ZNF808: variants seen among roughly 807,000 people sequenced by gnomAD.
ZNF808 encodes the protein zinc finger protein 808.
Under a neutral mutation model 8.7 loss-of-function variants are expected in ZNF808, and 5 were observed. That is an observed-to-expected ratio of 0.58 (90% confidence interval 0.30 to 1.21). ZNF808 has a LOEUF of 1.21. ZNF808 is among the 50% of genes most tolerant of loss of function. The pLI, the probability that ZNF808 is intolerant of heterozygous loss-of-function variation, is 0.07. For missense variants in ZNF808, 1,103 were observed against 1,098.4 expected (o/e 1.00, Z -0.06); for synonymous variants, 380 against 366.0 (o/e 1.04, Z -0.44).
chr19:52,559,445 C>T (rs1432316565), downstream of ZNF808, among the ~76,000 whole-genome samples: 1 of 152,164 alleles, frequency 6.6e-6, no homozygotes, highest in Non-Finnish European at 1.5e-5. Flanking sequence ...TGTCCTGCCA[C>T]ATCCCCCTCT....
intron 4 of ZNF808, among the ~76,000 whole-genome samples, chr19:52,551,356 C>CAA (rs58565837): frequency 9.6e-5 from 12 of 125,254 alleles, no homozygotes; most frequent in East Asian, 2.3e-4. Flanking sequence ...CATTTGCCAC[C>CAA]AAAAAAAAAA....
At chr19:52,564,308 C>A in exon 4 of ZNF808, 1 of 643,526 alleles carries the variant, frequency 1.6e-6, no homozygotes, top group East Asian at 2.8e-5. Flanking sequence ...GAAAATGTCA[C>A]TACCATCTGG....
At position 52,546,312 on chromosome 19, in the gene ZNF808, C is replaced by T. The variant is rs2059719747; in HGVS notation, c.64-1200C>T. On this transcript the variant is annotated intron_variant, in intron 3 of 4. Coordinates refer to ENST00000359798, the MANE Select transcript of ZNF808 (RefSeq NM_001039886.4). ...AAGCAATTCTCCAGCCTCAGCCTCC[C>T]AAGTATCAGGGATTACAGGCACCCA... 3.3e-5 allele frequency among the ~76,000 whole-genome samples: 5 copies of T among 151,440 alleles called. No homozygotes were observed. The South Asian group carries it at 1.0e-3, about 32-fold the overall frequency.
intron 2 of ZNF808, among the ~76,000 whole-genome samples, chr19:52,535,573 G>A (rs377531138): frequency 2.0e-5 from 3 of 152,092 alleles, no homozygotes; most frequent in Non-Finnish European, 4.4e-5. Flanking sequence ...TGAGCACTCC[G>A]TCCCGCATCC....
rs1354045354 is a variant in ZNF808, at chr19:52,553,534, T to C, written c.618T>C (p.Asn206=). The change falls in exon 5 of 5, where the codon AAT becomes AAC. Residue 206 remains asparagine, a synonymous_variant. Transcript: ENST00000359798. ...ISCRPQIHIS[N]NYGNNPLNSS... ...GTAGGCCCCAAATCCATATTTCTAATAACTATGGGAATAATCCCCTGAATT... is the reference window on the plus strand; with the variant it reads ...GTAGGCCCCAAATCCATATTTCTAACAACTATGGGAATAATCCCCTGAATT... The C allele has an allele frequency of 3.7e-6, 6 of 1,614,058 alleles. No individual in the cohort carries two copies. The highest frequency in any genetic ancestry group is 4.2e-6 in the Non-Finnish European group (5 of 1,180,036).
rs2059637791 is a variant in ZNF808 at position 52,538,637 on chromosome 19, C to CAAAATAAA, written c.-19-4625_-19-4624insTAAAAAAA. 3.9e-5 allele frequency among the ~76,000 whole-genome samples: 5 copies of CAAAATAAA among 128,362 alleles called. No individual in the cohort carries two copies. In the East Asian group the frequency reaches 1.4e-3, roughly 35 times the overall value. The allele number at this position is 128,362 out of a possible 152,430, so 84.2% of individuals were successfully genotyped here. A position where few individuals can be genotyped will look rare whatever the true frequency, so the allele number is the denominator to read the frequency against. On this transcript the variant is annotated intron_variant, in intron 2 of 4. Transcript: ENST00000359798. ...GAGCGAAACTCTGTCTCAAAAAAAC[C>CAAAATAAA]AAAAAAGAATGGAGCAAAACAGGAG...
At chr19:52,549,803 T>C (rs2059758172) in intron 4 of ZNF808, among the ~76,000 whole-genome samples, 1 of 152,148 alleles carries the variant, frequency 6.6e-6, no homozygotes, top group African/African-American at 2.4e-5. Flanking sequence ...ACACCCCAAT[T>C]TCCCCGTGAG....
At chr19:52,535,754 G>T (rs557899727) in intron 2 of ZNF808, among the ~76,000 whole-genome samples, 13 of 152,340 alleles carry the variant, frequency 8.5e-5, no homozygotes, top group Admixed American at 3.3e-4. Context: ...TAGTTTGCAT[G>T]CCCGTTCCAG....
intron 3 of ZNF808, among the ~76,000 whole-genome samples, chr19:52,546,298 C>T (rs1693232400): frequency 6.6e-6 from 1 of 151,778 alleles, no homozygotes; most frequent in Non-Finnish European, 1.5e-5. Flanking sequence ...AGCAATTCTC[C>T]AGCCTCAGCC....
At chr19:52,531,148 G>T (rs1466035044) in intron 1 of ZNF808, among the ~76,000 whole-genome samples, 1 of 152,038 alleles carries the variant, frequency 6.6e-6, no homozygotes, top group Non-Finnish European at 1.5e-5. Context: ...AAAAGAAATA[G>T]CAATCAGCTC....
intron 4 of ZNF808, among the ~76,000 whole-genome samples, chr19:52,552,393 T>C (rs1285719177): frequency 1.3e-5 from 2 of 151,518 alleles, no homozygotes; most frequent in Non-Finnish European, 2.9e-5. Context: ...TTTAGAAAAA[T>C]ATTGTACTAA....
Position 52,556,185 on chromosome 19 carries a change from TGTG to T in ZNF808, c.*562_*564del, listed in dbSNP as rs537558381. ...TTTATGTTAAGAGGATGGGGCCAGG[TGTG>T]GTGGCTCAGGCCTGTAATCCCAGCA... On this transcript the variant is annotated 3_prime_UTR_variant, in exon 5 of 5. Transcript: ENST00000359798. The T allele has an allele frequency of 7.1e-5, 23 of 325,704 alleles. No homozygotes were observed. The highest frequency in any genetic ancestry group is 1.1e-4 in the Non-Finnish European group (18 of 165,090). 20.2% of individuals were successfully genotyped at this position (325,704 alleles called of 1,614,324 possible). A position where few individuals can be genotyped will look rare whatever the true frequency, so the allele number is the denominator to read the frequency against.
chr19:52,562,270 T>C (rs975233342), intron 3 of ZNF808, among the ~76,000 whole-genome samples: 3 of 152,050 alleles, frequency 2.0e-5, no homozygotes, highest in Non-Finnish European at 2.9e-5. Context: ...CTCAGCTGCA[T>C]GGGAGGCTGA....
At chr19:52,535,032 A>G (rs2059592109) in intron 2 of ZNF808, among the ~76,000 whole-genome samples, 1 of 151,236 alleles carries the variant, frequency 6.6e-6, no homozygotes, top group African/African-American at 2.5e-5. Context: ...TTATTTAAAA[A>G]CGGGTTAAAA....
At chr19:52,557,825 A>G (rs1446298185), downstream of ZNF808, among the ~76,000 whole-genome samples, 7 of 152,014 alleles carry the variant, frequency 4.6e-5, no homozygotes, top group South Asian at 1.2e-3. Flanking sequence ...AACCCCTCCC[A>G]TTAGCCCTTC....
At chr19:52,564,192 T>C in exon 4 of ZNF808, 1 of 826,934 alleles carries the variant, frequency 1.2e-6, no homozygotes, top group South Asian at 1.4e-5. Context: ...GGTCCAACTT[T>C]AAAAGGAGAC....
rs1403917367 is a variant in ZNF808, at chr19:52,555,593, C to T, written c.2677C>T (p.His893Tyr). 4 of 1,608,830 alleles carry T rather than the reference C, an allele frequency of 2.5e-6. No individual in the cohort carries two copies. Among genetic ancestry groups the T allele is most frequent in the African/African-American group, 2.7e-5 (2 of 74,706 alleles). Residue 893 changes from histidine to tyrosine, a missense_variant, in exon 5 of 5, where the codon CAT becomes TAT. By Grantham distance (83) the His-to-Tyr change is moderately conservative. Transcript: ENST00000359798. ...AFSDRSTLIH[H>Y]QAIHGIGKFD ...TAGTGACCGGTCAACACTTATTCAC[C>T]ATCAGGCAATTCATGGTATAGGGAA...
chr19:52,561,704 C>T (rs879416654), intron 3 of ZNF808, among the ~76,000 whole-genome samples: 9 of 152,034 alleles, frequency 5.9e-5, no homozygotes, highest in Non-Finnish European at 1.0e-4. Context: ...TGTACCACCA[C>T]ACCCAGCTAA....
At chr19:52,536,063 C>G (rs2059607862) in intron 2 of ZNF808, 1 of 159,616 alleles carries the variant, frequency 6.3e-6, no homozygotes, top group African/African-American at 2.4e-5. Context: ...TTTGCTCTGC[C>G]TTGTATTAAG....
Sources: gnomAD v4.1 joint callset for allele counts (sites outside exome capture counted in the v4.1 genomes callset) on GRCh38, gnomAD v4.1.1 for gene constraint, MANE v1.5 for transcripts, NCBI Gene and HGNC (gene_info 2026-07-23, HGNC 2026-07-21) for gene names.